The following THSD7B variants were observed in gnomAD, a reference collection of about 807,000 sequenced individuals.
The protein encoded by THSD7B is thrombospondin type-1 domain-containing protein 7B.
A neutral mutation model predicts 213.6 loss-of-function variants in THSD7B; 138 were observed. The observed-to-expected ratio is 0.65, with a 90% confidence interval of 0.56 to 0.74. The LOEUF is 0.74. THSD7B is among the 30% of genes least tolerant of loss of function. The pLI is 0.00. For synonymous variants in THSD7B, 742 were observed against 687.0 expected, an observed-to-expected ratio of 1.08 and a Z score of -1.25; for missense variants, 1,931 against 1,991.5, an observed-to-expected ratio of 0.97 and a Z score of 0.58.
intron 2 of THSD7B, among the ~76,000 whole-genome samples, chr2:136,889,413 TGTTA>T (rs1158450926): frequency 1.3e-5 from 2 of 152,222 alleles, no homozygotes; most frequent in African/African-American, 4.8e-5. Context: ...CTCTCTGTTA[TGTTA>T]GTTAAGGATT....
intron 12 of THSD7B, among the ~76,000 whole-genome samples, chr2:137,398,742 G>C (rs1170870127): frequency 6.6e-6 from 1 of 152,218 alleles, no homozygotes; most frequent in East Asian, 1.9e-4. Context: ...CCTGGGCAAT[G>C]GTGGGCGCCC....
At chr2:136,878,443 T>C (rs1683559950) in intron 1 of THSD7B, among the ~76,000 whole-genome samples, 1 of 152,214 alleles carries the variant, frequency 6.6e-6, no homozygotes, top group South Asian at 2.1e-4. Flanking sequence ...AGTAATGGGA[T>C]GGCTGGGTCA....
intron 3 of THSD7B, among the ~76,000 whole-genome samples, chr2:137,084,314 G>C (rs1558914477): frequency 6.6e-6 from 1 of 152,176 alleles, no homozygotes; most frequent in Non-Finnish European, 1.5e-5. Context: ...GGACGTGACA[G>C]TTGGGAAGAA....
chr2:137,119,685 G>A (rs1688512783), intron 5 of THSD7B, among the ~76,000 whole-genome samples: 1 of 152,062 alleles, frequency 6.6e-6, no homozygotes, highest in African/African-American at 2.4e-5. Context: ...TTGAGAATAT[G>A]GATATGTGCT....
At chr2:136,818,454 G>A (rs970271038) in intron 1 of THSD7B, among the ~76,000 whole-genome samples, 1 of 151,214 alleles carries the variant, frequency 6.6e-6, no homozygotes, top group Non-Finnish European at 1.5e-5. Flanking sequence ...GCTAGATGAC[G>A]AGTTAGTGGG....
intron 5 of THSD7B, among the ~76,000 whole-genome samples, chr2:137,143,319 C>T (rs1406364547): frequency 6.6e-6 from 1 of 152,112 alleles, no homozygotes; most frequent in South Asian, 2.1e-4. Context: ...AAATGATAAG[C>T]CCATCAAAAC....
At chr2:137,442,127 T>C (rs1687425282) in intron 14 of THSD7B, among the ~76,000 whole-genome samples, 1 of 152,108 alleles carries the variant, frequency 6.6e-6, no homozygotes, top group African/African-American at 2.4e-5. Context: ...TTATCCCAGA[T>C]GACATAAGGT....
chr2:137,170,793 G>A lies in THSD7B; in HGVS notation c.1578G>A (p.Gly526=), dbSNP rs1231391874. Residue 526 remains glycine (G), a synonymous_variant, in exon 7 of 28, where the codon GGG becomes GGA. Coordinates refer to ENST00000409968, the MANE Select transcript of THSD7B (RefSeq NM_001316349.2). Reference sequence around the variant, plus strand: ...TCATGGAATCTACAGGGCCTGCAGGGCATTGCCCTCATTTGGTGGAGTCTG... The same window carrying A: ...TCATGGAATCTACAGGGCCTGCAGGACATTGCCCTCATTTGGTGGAGTCTG... The part of the protein sequence containing the change: ...HVLMESTGPA[G]HCPHLVESVP... 1.2e-6 allele frequency: 2 copies of A among 1,613,568 alleles called. No homozygotes were observed. The highest frequency in any genetic ancestry group is 1.3e-5 in the African/African-American group (1 of 74,910).
rs769359613 is a variant in THSD7B, at chr2:137,242,505, A to G, written c.2199A>G (p.Pro733=). ...RPETVRPCFL[P]CKKDCIVTAF... is the part of the protein sequence containing the mutation. The stretch of plus-strand genomic sequence containing the variant: ...AAACTGTGCGCCCCTGTTTTCTCCC[A>G]TGCAAAAAAGACTGTATTGTGACTG... Residue 733 remains proline, a synonymous_variant, in exon 10 of 28, where the codon CCA becomes CCG. Coordinates refer to ENST00000409968, the MANE Select transcript of THSD7B (RefSeq NM_001316349.2). 3 of 1,613,874 alleles carry G rather than the reference A, an allele frequency of 1.9e-6. No individual in the cohort carries two copies. Among genetic ancestry groups the G allele is most frequent in the African/African-American group, 1.3e-5 (1 of 75,026 alleles).
At position 136,885,183 on chromosome 2, in the gene THSD7B, C is replaced by G. The variant is rs868470283; in HGVS notation, c.139+2866C>G. On this transcript the variant is annotated intron_variant, in intron 2 of 27. Coordinates refer to ENST00000409968, the MANE Select transcript of THSD7B (RefSeq NM_001316349.2). ...GTACTTTATTGTAGAAACCTAGAAA[C>G]CATTCTCTGGGTTTTGATTGCTGTG... 2.0e-5 allele frequency among the ~76,000 whole-genome samples: 3 copies of G among 152,108 alleles called. No individual in the cohort carries two copies. In the South Asian group the frequency reaches 6.2e-4, roughly 31 times the overall value.
intron 15 of THSD7B, among the ~76,000 whole-genome samples, chr2:137,528,718 C>G (rs181519783): frequency 2.7e-4 from 41 of 152,170 alleles, no homozygotes; most frequent in Non-Finnish European, 7.4e-5. Context: ...ACAGTTTCAT[C>G]TGAGGACAAC....
At chr2:136,995,838 T>C (rs185337760) in intron 2 of THSD7B, among the ~76,000 whole-genome samples, 1 of 152,306 alleles carries the variant, frequency 6.6e-6, no homozygotes, top group Admixed American at 6.5e-5. Context: ...AACATATTTC[T>C]CTGGGTTATT....
chr2:137,641,808 G>T (rs1419627894), intron 20 of THSD7B, among the ~76,000 whole-genome samples: 3 of 152,034 alleles, frequency 2.0e-5, no homozygotes, highest in Non-Finnish European at 4.4e-5. Context: ...TAAACATCTT[G>T]GTTGCTTCAT....
chr2:137,263,673 T>C (rs1352547308), intron 10 of THSD7B, among the ~76,000 whole-genome samples: 3 of 152,332 alleles, frequency 2.0e-5, no homozygotes, highest in East Asian at 1.9e-4. Context: ...CTAATTTCAT[T>C]TGTATATAGA....
chr2:137,498,665 A>C (rs1423180070), intron 15 of THSD7B, among the ~76,000 whole-genome samples: 1 of 152,008 alleles, frequency 6.6e-6, no homozygotes, highest in African/African-American at 2.4e-5. Flanking sequence ...GTTGTGTTGT[A>C]GTCACCCATG....
chr2:137,665,068 C>T (rs76418098), intron 26 of THSD7B, among the ~76,000 whole-genome samples: 3,850 of 152,270 alleles, frequency 0.025, 54 homozygotes, highest in Middle Eastern at 0.071. Flanking sequence ...TTAAGAATTA[C>T]CACCATATCT....
At chr2:137,642,718 A>C (rs1682962859) in intron 21 of THSD7B, 85 bp downstream of exon 21, 1 of 1,469,010 alleles carries the variant, frequency 6.8e-7, no homozygotes, top group Non-Finnish European at 9.2e-7. Context: ...TGATGGAATA[A>C]ATTTCACAGC....
chr2:137,091,092 A>G (rs1687940139), intron 3 of THSD7B, among the ~76,000 whole-genome samples: 1 of 152,232 alleles, frequency 6.6e-6, no homozygotes, highest in African/African-American at 2.4e-5. Flanking sequence ...ATATGTAATC[A>G]ATAGGACATA....
At chr2:137,658,547 G>A (rs1048129632) in intron 24 of THSD7B, among the ~76,000 whole-genome samples, 5 of 152,120 alleles carry the variant, frequency 3.3e-5, no homozygotes, top group African/African-American at 1.2e-4. Context: ...AAGTACGCCT[G>A]CTGTGGAGAT....
Sources: gnomAD v4.1 joint callset for allele counts (sites outside exome capture counted in the v4.1 genomes callset) on GRCh38, gnomAD v4.1.1 for gene constraint, MANE v1.5 for transcripts, NCBI Gene and HGNC (gene_info 2026-07-23, HGNC 2026-07-21) for gene names.